S100A7A: variants seen among roughly 807,000 people sequenced by gnomAD.
S100A7A encodes the protein protein S100-A7A.
A neutral mutation model predicts 4.0 loss-of-function variants in S100A7A; 5 were observed. That is an observed-to-expected ratio of 1.26 (90% CI 0.66 to 2.66). S100A7A has a LOEUF of 2.66. S100A7A is among the 30% of genes most tolerant of loss of function. S100A7A has a pLI of 0.01. For missense variants in S100A7A, 159 were observed against 125.1 expected (o/e 1.27, Z -1.29); for synonymous variants, 52 against 46.4 (o/e 1.12, Z -0.49).
chr1:153,419,789 T>C lies in S100A7A; in HGVS notation c.*480T>C, dbSNP rs1571186249. ...CTTGGGGAAACAGAAACCACTCACA[T>C]AGGGATTCCTGGATGGCTTCAGGTT... On this transcript the variant is annotated 3_prime_UTR_variant, in exon 3 of 3. Transcript: ENST00000368729. 1 of 156,272 alleles carries C rather than the reference T, an allele frequency of 6.4e-6. No individual in the cohort carries two copies. The highest frequency in any genetic ancestry group is 2.0e-4 in the South Asian group (1 of 5,020). The allele number at this position is 156,272 out of a possible 1,614,324, so 9.7% of individuals were successfully genotyped here.
chr1:153,418,258 A>C (rs1191793629), intron 2 of S100A7A, 35 bp downstream of exon 2: 2 of 1,605,448 alleles, frequency 1.2e-6, no homozygotes, highest in Non-Finnish European at 1.7e-6. Flanking sequence ...TGTTGGTTGG[A>C]CCCTGGCATG....
rs139197773 is a variant in S100A7A at position 153,418,156 on chromosome 1, G to A, written c.74G>A (p.Gly25Asp). 1,247 of 1,614,034 alleles carry A rather than the reference G, an allele frequency of 7.7e-4. 4 individuals carry two copies. The African/African-American group carries it at 9.8e-3, about 13-fold the overall frequency. ...TTTCACAAATACACCGGACGTGATG[G>A]CAAGATTGAGAAGCCAAGCCTGCTG... is the stretch of plus-strand genomic sequence containing the variant. ...DMFHKYTGRD[G>D]KIEKPSLLTM... Residue 25 changes from glycine to aspartate, a missense_variant, in exon 2 of 3, where the codon GGC (glycine) becomes GAC (aspartate). Transcript: ENST00000368729.
chr1:153,422,579 A>G lies in S100A7A; in HGVS notation c.*3270A>G. ...ATGTTCCCCAGAAATTCTGATATCAAAACATTCCAATAACTTTTTTTTTTC... is the reference window on the plus strand; with the variant it reads ...ATGTTCCCCAGAAATTCTGATATCAGAACATTCCAATAACTTTTTTTTTTC... On this transcript the variant is annotated 3_prime_UTR_variant, in exon 3 of 3. Coordinates refer to ENST00000368729, the MANE Select transcript of S100A7A (RefSeq NM_176823.4). The G allele has an allele frequency of 1.0e-6, 1 of 977,666 alleles. No homozygotes were observed. Among genetic ancestry groups the G allele is most frequent in the Non-Finnish European group, 1.2e-6 (1 of 822,974 alleles). 60.6% of individuals were successfully genotyped at this position (977,666 alleles called of 1,614,324 possible). A position where few individuals can be genotyped will look rare whatever the true frequency, so the allele number is the denominator to read the frequency against.
At position 153,419,367 on chromosome 1, in the gene S100A7A, C is replaced by G; in HGVS notation, c.*58C>G. 1 of 1,514,294 alleles carries G rather than the reference C, an allele frequency of 6.6e-7. No individual in the cohort carries two copies. The highest frequency in any genetic ancestry group is 9.0e-7 in the Non-Finnish European group (1 of 1,113,016). 93.8% of individuals were successfully genotyped at this position (1,514,294 alleles called of 1,614,324 possible). Reference sequence around the variant, plus strand: ...AGGAACAATAAGTGTCTCCTCCCACCAGACACTTGCCTTATTTCTTCTTCT... The same window carrying G: ...AGGAACAATAAGTGTCTCCTCCCACGAGACACTTGCCTTATTTCTTCTTCT... On this transcript the variant is annotated 3_prime_UTR_variant, in exon 3 of 3. Transcript: ENST00000368729.
At chr1:153,416,618 C>T in intron 1 of S100A7A, 55 bp downstream of exon 1, 2 of 437,160 alleles carry the variant, frequency 4.6e-6, no homozygotes, top group Non-Finnish European at 9.2e-6. Flanking sequence ...CCCAGCCTGC[C>T]ATGCTGCCTG....
chr1:153,418,391 G>A (rs41364847), intron 2 of S100A7A, among the ~76,000 whole-genome samples, 168 bp downstream of exon 2: 19 of 152,162 alleles, frequency 1.2e-4, no homozygotes, highest in Admixed American at 3.9e-4. Flanking sequence ...GATGGTAGGC[G>A]AAAAAGTATG....
Position 153,421,469 on chromosome 1 carries a change from G to C in S100A7A, c.*2160G>C, listed in dbSNP as rs1662896444. 1 of 152,224 alleles carries C rather than the reference G, an allele frequency of 6.6e-6. No homozygotes were observed. The highest frequency in any genetic ancestry group is 6.5e-5 in the Admixed American group (1 of 15,280). The allele number at this position is 152,224 out of a possible 1,614,324, so 9.4% of individuals were successfully genotyped here. A position where few individuals can be genotyped will look rare whatever the true frequency, so the allele number is the denominator to read the frequency against. On this transcript the variant is annotated 3_prime_UTR_variant, in exon 3 of 3. Transcript: ENST00000368729. ...AGTACTGGATTCCAGCTCATAATAA[G>C]TACTCTATATCATTTTTCAATATAA...
At position 153,421,298 on chromosome 1, in the gene S100A7A, C is replaced by T. The variant is rs1662892766; in HGVS notation, c.*1989C>T. ...CTTCACCCCAAAGAAATGATCTCTG[C>T]TTCATTTGTGCCTCCCTCACCATGA... is the stretch of plus-strand genomic sequence containing the variant. On this transcript the variant is annotated 3_prime_UTR_variant, in exon 3 of 3. Transcript: ENST00000368729. The T allele has an allele frequency of 6.6e-6, 1 of 152,192 alleles. No individual in the cohort carries two copies. The highest frequency in any genetic ancestry group is 2.4e-5 in the African/African-American group (1 of 41,434). The allele number at this position is 152,192 out of a possible 1,614,324, so 9.4% of individuals were successfully genotyped here.
rs1431374856 is a variant in S100A7A, at chr1:153,418,234, G to T, written c.141+11G>T. ...TTCCTCAGTGCCTGTGTGAGTTGGG[G>T]TCTAGCTTCTCAATGTTGGTTGGAC... is the stretch of plus-strand genomic sequence containing the variant. On this transcript the variant is annotated intron_variant, in intron 2 of 2. Coordinates refer to ENST00000368729, the MANE Select transcript of S100A7A (RefSeq NM_176823.4). 1.9e-6 allele frequency: 3 copies of T among 1,613,856 alleles called. No individual in the cohort carries two copies. The East Asian group carries it at 6.7e-5, about 36-fold the overall frequency.
chr1:153,422,630 G>C lies in S100A7A; in HGVS notation c.*3321G>C. 1 of 566,832 alleles carries C rather than the reference G, an allele frequency of 1.8e-6. No individual in the cohort carries two copies. 35.1% of individuals were successfully genotyped at this position (566,832 alleles called of 1,614,324 possible). A position where few individuals can be genotyped will look rare whatever the true frequency, so the allele number is the denominator to read the frequency against. On this transcript the variant is annotated 3_prime_UTR_variant, in exon 3 of 3. Transcript: ENST00000368729. ...AGGCGCAGTCTCACTCTGTCGCCCG[G>C]GCTGGAGTGCTGTGAGCTGTCCGTG...
Position 153,416,539 on chromosome 1 carries a change from C to T in S100A7A, c.-42C>T. 2.0e-6 allele frequency: 1 copy of T among 492,718 alleles called. No homozygotes were observed. The highest frequency in any genetic ancestry group is 4.0e-6 in the Non-Finnish European group (1 of 247,536). 30.5% of individuals were successfully genotyped at this position (492,718 alleles called of 1,614,324 possible). ...AAACACACACATCTCACTCATCCTTCTACTCGTGACACTTCCCAGTTCTGG... is the reference window on the plus strand; with the variant it reads ...AAACACACACATCTCACTCATCCTTTTACTCGTGACACTTCCCAGTTCTGG... On this transcript the variant is annotated 5_prime_UTR_variant, in exon 1 of 3. Coordinates refer to ENST00000368729, the MANE Select transcript of S100A7A (RefSeq NM_176823.4).
intron 2 of S100A7A, 34 bp downstream of exon 2, chr1:153,418,257 G>A (rs768536015): frequency 6.2e-7 from 1 of 1,605,574 alleles, no homozygotes; most frequent in Non-Finnish European, 8.5e-7. Flanking sequence ...ATGTTGGTTG[G>A]ACCCTGGCAT....
At chr1:153,418,615 T>A (rs1268021582) in intron 2 of S100A7A, among the ~76,000 whole-genome samples, 1 of 152,042 alleles carries the variant, frequency 6.6e-6, no homozygotes, top group Non-Finnish European at 1.5e-5. Context: ...CTAGTAGAAA[T>A]CAATAGCCCT....
chr1:153,418,193 G>C lies in S100A7A; in HGVS notation c.111G>C (p.Lys37Asn). Residue 37 changes from lysine (K) to asparagine (N), a missense_variant, in exon 2 of 3, where the codon AAG becomes AAC. Lys to Asn is a moderately conservative substitution (Grantham distance 94). Transcript: ENST00000368729. ...AGCCAAGCCTGCTGACGATGATGAA[G>C]GAGAACTTCCCCAATTTCCTCAGTG... ...IEKPSLLTMM[K>N]ENFPNFLSAC... The C allele has an allele frequency of 6.2e-7, 1 of 1,614,026 alleles. No individual in the cohort carries two copies. The highest frequency in any genetic ancestry group is 8.5e-7 in the Non-Finnish European group (1 of 1,179,912).
Position 153,422,497 on chromosome 1 carries a change from C to A in S100A7A, c.*3188C>A, listed in dbSNP as rs1662923060. The stretch of plus-strand genomic sequence containing the variant: ...GGTACTAAAGAGAAAGAATACTTGA[C>A]AGCTCTATGCCCACACTCACATTAC... On this transcript the variant is annotated 3_prime_UTR_variant, in exon 3 of 3. Coordinates refer to ENST00000368729, the MANE Select transcript of S100A7A (RefSeq NM_176823.4). The A allele has an allele frequency of 1.0e-6, 1 of 984,288 alleles. No homozygotes were observed. The highest frequency in any genetic ancestry group is 1.2e-6 in the Non-Finnish European group (1 of 829,002). 61.0% of individuals were successfully genotyped at this position (984,288 alleles called of 1,614,324 possible).
rs1185612918 is a variant in S100A7A, at chr1:153,419,242, G to A, written c.239G>A (p.Gly80Glu). The A allele has an allele frequency of 1.2e-6, 2 of 1,614,192 alleles. No individual in the cohort carries two copies. Among genetic ancestry groups the A allele is most frequent in the Non-Finnish European group, 1.7e-6 (2 of 1,180,038 alleles). ...TTTTCTGAGTTTCTGTCCTTGCTGG[G>A]AGACATAGCCGCAGACTACCACAAG... Reference protein sequence around the residue: ...IDFSEFLSLLGDIAADYHKQS... With the variant: ...IDFSEFLSLLEDIAADYHKQS... Residue 80 changes from glycine to glutamate, a missense_variant, in exon 3 of 3, where the codon GGA (glycine) becomes GAA (glutamate). Physicochemically the swap from Gly to Glu is moderately conservative, Grantham distance 98. Transcript: ENST00000368729.
At chr1:153,417,520 G>A (rs551555074) in intron 1 of S100A7A, among the ~76,000 whole-genome samples, 34 of 152,244 alleles carry the variant, frequency 2.2e-4, no homozygotes, top group Non-Finnish European at 2.6e-4. Context: ...TCATGTCCAC[G>A]CTCACATGTG....
At chr1:153,418,290 G>A in intron 2 of S100A7A, 67 bp downstream of exon 2, 2 of 1,603,118 alleles carry the variant, frequency 1.2e-6, no homozygotes, top group Middle Eastern at 1.7e-4. Flanking sequence ...ATTTTGCTAT[G>A]TGGCCTTGGA....
chr1:153,418,895 A>G (rs1467126992), intron 2 of S100A7A, among the ~76,000 whole-genome samples: 1 of 152,136 alleles, frequency 6.6e-6, no homozygotes, highest in Non-Finnish European at 1.5e-5. Context: ...AAGGTCACTT[A>G]ACAGAGTGCC....
Sources: gnomAD v4.1 joint callset for allele counts (sites outside exome capture counted in the v4.1 genomes callset) on GRCh38, gnomAD v4.1.1 for gene constraint, MANE v1.5 for transcripts, NCBI Gene and HGNC (gene_info 2026-07-23, HGNC 2026-07-21) for gene names.